Variants in COL5A2 observed in about 807,000 individuals in gnomAD.
COL5A2 encodes collagen alpha-2(V) chain.
In COL5A2, 23 loss-of-function variants were observed where a neutral mutation model predicts 208.2. That is an observed-to-expected ratio of 0.11 (90% CI 0.08 to 0.16). The LOEUF (loss-of-function observed/expected upper bound fraction) is 0.16. COL5A2 is among the 10% of genes least tolerant of loss of function. The pLI, the probability that COL5A2 is intolerant of heterozygous loss-of-function variation, is 1.00. For synonymous variants in COL5A2, 625 were observed against 628.5 expected, an observed-to-expected ratio of 0.99 and a Z score of 0.08; for missense variants, 1,590 against 1,956.4, an observed-to-expected ratio of 0.81 and a Z score of 3.53.
At chr2:189,263,656 A>C in the COL5A2 span, among the ~76,000 whole-genome samples, 3 of 152,172 alleles carry the variant, frequency 2.0e-5, no homozygotes, top group Non-Finnish European at 2.9e-5. Flanking sequence ...GTACATGCCC[A>C]ATACAGGTGT....
chr2:189,383,684 A>G, the COL5A2 span, among the ~76,000 whole-genome samples: 1 of 152,152 alleles, frequency 6.6e-6, no homozygotes, highest in Non-Finnish European at 1.5e-5. Context: ...AATAATAAGC[A>G]TACAATGTGT....
chr2:189,123,099 G>A (rs567785245), intron 1 of COL5A2, among the ~76,000 whole-genome samples: 2 of 152,210 alleles, frequency 1.3e-5, no homozygotes, highest in East Asian at 1.9e-4. Context: ...CGAGTAGCTG[G>A]GATTACAGGC....
the COL5A2 span, among the ~76,000 whole-genome samples, chr2:189,255,705 T>G: frequency 1.3e-5 from 2 of 152,170 alleles, no homozygotes; most frequent in African/African-American, 4.8e-5. Context: ...CTCAATGAGC[T>G]TATAATCTAA....
intron 12 of COL5A2, among the ~76,000 whole-genome samples, chr2:189,081,316 A>G (rs552788416): frequency 4.6e-5 from 7 of 152,330 alleles, no homozygotes; most frequent in Admixed American, 2.6e-4. Context: ...AATTTTTCAC[A>G]TGATATCACT....
chr2:189,071,517 G>A (rs969357913), intron 18 of COL5A2, among the ~76,000 whole-genome samples: 1 of 152,154 alleles, frequency 6.6e-6, no homozygotes, highest in African/African-American at 2.4e-5. Context: ...CCCACATGAA[G>A]AGCCAAATAT....
At chr2:189,195,492 A>G (rs533291844) in intron 1 of COL5A2, among the ~76,000 whole-genome samples, 1 of 152,338 alleles carries the variant, frequency 6.6e-6, no homozygotes, top group East Asian at 1.9e-4. Flanking sequence ...ACCAAAAAAG[A>G]GCTCGTATAG....
intron 18 of COL5A2, among the ~76,000 whole-genome samples, chr2:189,070,759 GT>G (rs1686256747): frequency 6.6e-6 from 1 of 152,142 alleles, no homozygotes; most frequent in African/African-American, 2.4e-5. Flanking sequence ...GATTTTGCAT[GT>G]TTTGATAGGG....
At chr2:189,199,330 G>T (rs1373222732) in intron 1 of COL5A2, among the ~76,000 whole-genome samples, 1 of 152,134 alleles carries the variant, frequency 6.6e-6, no homozygotes, top group East Asian at 1.9e-4. Context: ...ATAGATCATG[G>T]AGTAAGGCCA....
At chr2:189,090,906 A>G (rs188910393) in intron 7 of COL5A2, among the ~76,000 whole-genome samples, 3 of 152,338 alleles carry the variant, frequency 2.0e-5, no homozygotes, top group African/African-American at 7.2e-5. Context: ...ATGGAGATAT[A>G]CAAGGATATT....
At chr2:189,129,860 T>C (rs1368859970) in intron 1 of COL5A2, among the ~76,000 whole-genome samples, 1 of 152,030 alleles carries the variant, frequency 6.6e-6, no homozygotes, top group Non-Finnish European at 1.5e-5. Flanking sequence ...TTGTTTGAAA[T>C]TGTGCTCTCT....
intron 1 of COL5A2, among the ~76,000 whole-genome samples, chr2:189,134,785 C>T (rs1219962075): frequency 6.6e-6 from 1 of 152,118 alleles, no homozygotes; most frequent in African/African-American, 2.4e-5. Flanking sequence ...AAGAGTTGCA[C>T]ATACATCTCT....
chr2:189,303,191 A>G, the COL5A2 span, among the ~76,000 whole-genome samples: 4 of 152,276 alleles, frequency 2.6e-5, no homozygotes, highest in East Asian at 5.8e-4. Context: ...ATAAACAGAA[A>G]CCAACTGACA....
chr2:189,341,599 T>C, the COL5A2 span, among the ~76,000 whole-genome samples: 1 of 152,164 alleles, frequency 6.6e-6, no homozygotes, highest in Non-Finnish European at 1.5e-5. Flanking sequence ...TGTTTTCAGC[T>C]ATTTAAAAGA....
chr2:189,097,291 G>A lies in COL5A2; in HGVS notation c.442C>T (p.Pro148Ser), dbSNP rs759436406. ...GSQGPRGERGPKGRPGPRGPQ... is the reference protein window; with the variant it reads ...GSQGPRGERGSKGRPGPRGPQ... ...TGTCAACTTACAGGTCTTCCTTTTG[G>A]CCCTCGCTCTCCTCTTGGTCCCTGT... is the stretch of plus-strand genomic sequence containing the variant. The change falls in exon 6 of 54, where the codon CCA (proline) becomes TCA (serine). Residue 148 changes from proline to serine, a missense_variant. Coordinates refer to ENST00000374866, the MANE Select transcript of COL5A2 (RefSeq NM_000393.5). 1 of 1,614,062 alleles carries A rather than the reference G, an allele frequency of 6.2e-7. No homozygotes were observed. Among genetic ancestry groups the A allele is most frequent in the Admixed American group, 1.7e-5 (1 of 60,010 alleles).
intron 12 of COL5A2, among the ~76,000 whole-genome samples, chr2:189,083,387 C>T (rs1041296665): frequency 6.6e-6 from 1 of 152,040 alleles, no homozygotes; most frequent in African/African-American, 2.4e-5. Context: ...GGGAAGAAAA[C>T]AGCTATGTTA....
At chr2:189,150,894 T>C (rs1387672887) in intron 1 of COL5A2, among the ~76,000 whole-genome samples, 11 of 152,160 alleles carry the variant, frequency 7.2e-5, no homozygotes, top group Non-Finnish European at 1.6e-4. Flanking sequence ...GAGAATTCAT[T>C]ACCTCAAAGG....
the COL5A2 span, among the ~76,000 whole-genome samples, chr2:189,352,450 C>T: frequency 6.6e-6 from 1 of 152,068 alleles, no homozygotes; most frequent in Non-Finnish European, 1.5e-5. Flanking sequence ...TCTCCACATC[C>T]TCTCCAGCAT....
chr2:189,231,406 A>G, the COL5A2 span, among the ~76,000 whole-genome samples: 1 of 151,708 alleles, frequency 6.6e-6, no homozygotes, highest in Non-Finnish European at 1.5e-5. Context: ...AAAGAAAGAG[A>G]AAGGTAAGCC....
intron 1 of COL5A2, among the ~76,000 whole-genome samples, chr2:189,153,812 G>A (rs971079320): frequency 2.0e-5 from 3 of 151,946 alleles, no homozygotes; most frequent in African/African-American, 4.8e-5. Flanking sequence ...CTGGCAACAC[G>A]TTTCAGTTTT....
Sources: gnomAD v4.1 joint callset for allele counts (sites outside exome capture counted in the v4.1 genomes callset) on GRCh38, gnomAD v4.1.1 for gene constraint, MANE v1.5 for transcripts, NCBI Gene and HGNC (gene_info 2026-07-23, HGNC 2026-07-21) for gene names.